The following KCND3 variants were observed in gnomAD, a reference collection of about 807,000 sequenced individuals.
KCND3 encodes A-type voltage-gated potassium channel KCND3.
A neutral mutation model predicts 51.1 loss-of-function variants in KCND3; 9 were observed. That is an observed-to-expected ratio of 0.18 (90% confidence interval 0.11 to 0.31). KCND3 has a LOEUF of 0.31. Among genes scored for constraint, KCND3 ranks in the 10% least tolerant of loss-of-function variants. The pLI, the probability that KCND3 is intolerant of heterozygous loss-of-function variation, is 1.00. For synonymous variants in KCND3, 349 were observed against 368.0 expected (o/e 0.95, Z 0.59); for missense variants, 526 against 903.8 (o/e 0.58, Z 5.36).
chr1:111,800,738 T>A (rs1339224948), intron 2 of KCND3, among the ~76,000 whole-genome samples: 1 of 152,170 alleles, frequency 6.6e-6, no homozygotes, highest in African/African-American at 2.4e-5. Flanking sequence ...ACTTGCCCCC[T>A]GCCTAGTGAT....
intron 2 of KCND3, among the ~76,000 whole-genome samples, chr1:111,964,371 C>G (rs1673846226): frequency 6.6e-6 from 1 of 152,172 alleles, no homozygotes; most frequent in South Asian, 2.1e-4. Context: ...CTGCAGTACA[C>G]AGGTGGGTGA....
At chr1:111,895,031 G>A (rs1368778113) in intron 2 of KCND3, among the ~76,000 whole-genome samples, 2 of 150,282 alleles carry the variant, frequency 1.3e-5, no homozygotes, top group African/African-American at 2.5e-5. Context: ...AATGAGGGAT[G>A]AGAGGGAGAT....
At chr1:111,909,567 G>C (rs144579189) in intron 2 of KCND3, 1 of 152,172 alleles carries the variant, frequency 6.6e-6, no homozygotes, top group South Asian at 2.1e-4. Flanking sequence ...AGGATATATG[G>C]GAGTTAGTTC....
intron 2 of KCND3, among the ~76,000 whole-genome samples, chr1:111,973,051 C>T (rs751943520): frequency 7.9e-5 from 12 of 152,232 alleles, no homozygotes; most frequent in Non-Finnish European, 1.6e-4. Flanking sequence ...AAAATTCCCA[C>T]ATCAAGAATC....
intron 2 of KCND3, among the ~76,000 whole-genome samples, chr1:111,844,659 G>A (rs1667471452): frequency 6.6e-6 from 1 of 152,138 alleles, no homozygotes; most frequent in South Asian, 2.1e-4. Context: ...ACTTGAGACA[G>A]AAGATCTTGC....
At chr1:111,875,685 GCTTCTCCTC>G (rs1669018036) in intron 2 of KCND3, among the ~76,000 whole-genome samples, 1 of 152,168 alleles carries the variant, frequency 6.6e-6, no homozygotes, top group African/African-American at 2.4e-5. Context: ...GCCTCTCTTA[GCTTCTCCTC>G]CCCCTGGGAC....
At chr1:111,815,962 G>A (rs565651221) in intron 2 of KCND3, among the ~76,000 whole-genome samples, 3 of 152,200 alleles carry the variant, frequency 2.0e-5, no homozygotes, top group African/African-American at 4.8e-5. Flanking sequence ...CTAGGACCCC[G>A]GGGAGGAAAT....
chr1:111,973,485 G>A (rs182976231), intron 2 of KCND3, among the ~76,000 whole-genome samples: 3 of 152,362 alleles, frequency 2.0e-5, no homozygotes, highest in Admixed American at 6.5e-5. Context: ...GGAGGGCTAT[G>A]TTTCCAGTCC....
At chr1:111,879,925 G>T (rs922148330) in intron 2 of KCND3, among the ~76,000 whole-genome samples, 10 of 152,154 alleles carry the variant, frequency 6.6e-5, no homozygotes, top group African/African-American at 2.4e-4. Context: ...TACTACCTAT[G>T]AGAGCTTGGG....
rs79758170 is a variant in KCND3, at chr1:111,981,274, C to T, written c.1106+347G>A. ...AACAACTGCCCTGACCTTCTCCCCA[C>T]GCTGCCCCATATGCGCAAATGCATA... On this transcript the variant is annotated intron_variant, in intron 2 of 7. Transcript: ENST00000302127. The surrounding 1 kb of genome is among the most constrained non-coding windows in gnomAD (Gnocchi z 6.2). Among the ~76,000 whole-genome samples the T allele has an allele frequency of 7.4e-3, 1,124 of 152,272 alleles. 12 individuals carry two copies. Among genetic ancestry groups the T allele is most frequent in the African/African-American group, 0.025 (1,044 of 41,552 alleles).
intron 2 of KCND3, among the ~76,000 whole-genome samples, chr1:111,874,672 G>A (rs935869285): frequency 1.3e-5 from 2 of 152,190 alleles, no homozygotes; most frequent in African/African-American, 4.8e-5. Context: ...GCCTGAGCAA[G>A]GAGGTGAACT....
In KCND3 at chr1:111,831,066, C is replaced by T. The variant is rs932209732; in HGVS notation, c.1107-43960G>A. Reference sequence around the variant, plus strand: ...GGGTGGATGCCTCAGGCAGCACCCTCCTGGCCTGGAAGGTTTTCCACACTT... The same window carrying T: ...GGGTGGATGCCTCAGGCAGCACCCTTCTGGCCTGGAAGGTTTTCCACACTT... On this transcript the variant is annotated intron_variant, in intron 2 of 7. Coordinates refer to ENST00000302127, the MANE Select transcript of KCND3 (RefSeq NM_001378969.1). Among the ~76,000 whole-genome samples, 29 of 152,360 alleles carry T rather than the reference C, an allele frequency of 1.9e-4. 1 individual carries two copies. The highest frequency in any genetic ancestry group is 3.5e-4 in the Non-Finnish European group (24 of 68,036).
rs1490832430 is a variant in KCND3, at chr1:111,831,705, C to T, written c.1107-44599G>A. ...AATTTAAATGTTCTCAAATGTGGAT[C>T]CACAGATCTATACTGAGCTGGCCCC... On this transcript the variant is annotated intron_variant, in intron 2 of 7. Transcript: ENST00000302127. Among the ~76,000 whole-genome samples, 4 of 152,248 alleles carry T rather than the reference C, an allele frequency of 2.6e-5. No homozygotes were observed. The East Asian group carries it at 7.7e-4, about 29-fold the overall frequency.
intron 2 of KCND3, among the ~76,000 whole-genome samples, chr1:111,949,370 G>C (rs1223292964): frequency 6.6e-6 from 1 of 152,194 alleles, no homozygotes; most frequent in Non-Finnish European, 1.5e-5. Context: ...GGAGGTGCAG[G>C]AAAAAGAGCA....
chr1:111,982,040 C>T lies in KCND3; in HGVS notation c.687G>A (p.Leu229=). 6.2e-7 allele frequency: 1 copy of T among 1,613,704 alleles called. No homozygotes were observed. The highest frequency in any genetic ancestry group is 8.5e-7 in the Non-Finnish European group (1 of 1,179,948). ...TGAAGATCATGACGCACGCCGTGTC[C>T]AGGCAGAAGAAGGCCACCGAGTAGC... is the stretch of plus-strand genomic sequence containing the variant. ...GERYSVAFFC[L]DTACVMIFTV... Residue 229 remains leucine, a synonymous_variant, in exon 2 of 8, where the codon CTG becomes CTA. Coordinates refer to ENST00000302127, the MANE Select transcript of KCND3 (RefSeq NM_001378969.1). This position sits in a 1 kb window ranked among gnomAD's most constrained non-coding sequence, Gnocchi z 8.5.
At chr1:111,946,778 C>T (rs2101897654) in intron 2 of KCND3, among the ~76,000 whole-genome samples, 1 of 152,274 alleles carries the variant, frequency 6.6e-6, no homozygotes, top group African/African-American at 2.4e-5. Context: ...GTTCCCACAC[C>T]ACATATGGGG....
chr1:111,873,794 A>C (rs1668934218), intron 2 of KCND3, among the ~76,000 whole-genome samples: 1 of 152,086 alleles, frequency 6.6e-6, no homozygotes, highest in Non-Finnish European at 1.5e-5. Flanking sequence ...ATGCAAATAT[A>C]GATTAGCCCC....
At chr1:111,871,326 CA>C (rs1668819528) in intron 2 of KCND3, among the ~76,000 whole-genome samples, 1 of 152,026 alleles carries the variant, frequency 6.6e-6, no homozygotes, top group Non-Finnish European at 1.5e-5. Flanking sequence ...TTATGATTAT[CA>C]AGGCAATGAA....
intron 1 of KCND3, among the ~76,000 whole-genome samples, chr1:111,984,158 T>C (rs1675130513): frequency 6.6e-6 from 1 of 152,206 alleles, no homozygotes; most frequent in Admixed American, 6.5e-5. Context: ...AGGTGAGTCT[T>C]GGAAAATTTT....
Sources: allele counts gnomAD v4.1 joint callset (sites outside exome capture counted in the v4.1 genomes callset), GRCh38; gene constraint gnomAD v4.1.1; non-coding constraint Gnocchi (gnomAD v3.1); transcripts MANE v1.5; gene names NCBI Gene and HGNC (gene_info 2026-07-23, HGNC 2026-07-21).